Variants in SPAG16 observed in about 807,000 individuals in gnomAD.
SPAG16 encodes the protein sperm associated antigen 16, also known as sperm-associated antigen 16 protein.
In SPAG16, 86 loss-of-function variants were observed where a neutral mutation model predicts 80.4. The observed-to-expected ratio is 1.07, with a 90% CI of 0.90 to 1.28. SPAG16 has a LOEUF of 1.28. Among genes scored for constraint, SPAG16 ranks in the 50% most tolerant of loss-of-function variants. SPAG16 has a pLI of 0.00. For missense variants in SPAG16, 870 were observed against 765.3 expected, an observed-to-expected ratio of 1.14 and a Z score of -1.61; for synonymous variants, 294 against 265.9, an observed-to-expected ratio of 1.11 and a Z score of -1.03.
intron 10 of SPAG16, among the ~76,000 whole-genome samples, chr2:213,702,304 C>G (rs549094729): frequency 2.0e-5 from 3 of 152,218 alleles, no homozygotes; most frequent in Non-Finnish European, 4.4e-5. Flanking sequence ...CCCGAGCCAG[C>G]TGCGGCAACC....
At chr2:213,659,443 T>TA (rs1334230022) in intron 10 of SPAG16, among the ~76,000 whole-genome samples, 3 of 152,092 alleles carry the variant, frequency 2.0e-5, no homozygotes, top group Admixed American at 6.6e-5. Flanking sequence ...GATTTTGTTT[T>TA]AAAAAATTGC....
chr2:213,322,152 G>C (rs1353032213), intron 5 of SPAG16, among the ~76,000 whole-genome samples: 1 of 151,044 alleles, frequency 6.6e-6, no homozygotes, highest in Non-Finnish European at 1.5e-5. Flanking sequence ...ATCTTTCACA[G>C]TTTAGACACT....
At chr2:213,762,789 C>T (rs2068731806) in intron 10 of SPAG16, among the ~76,000 whole-genome samples, 1 of 152,236 alleles carries the variant, frequency 6.6e-6, no homozygotes, top group South Asian at 2.1e-4. Flanking sequence ...AGTCGAACTA[C>T]ACCAAACTAA....
At chr2:213,598,748 A>C (rs1417404707) in intron 10 of SPAG16, among the ~76,000 whole-genome samples, 1 of 152,170 alleles carries the variant, frequency 6.6e-6, no homozygotes, top group Non-Finnish European at 1.5e-5. Context: ...TGAGACAGGA[A>C]TAATACATGG....
At chr2:213,318,166 G>T (rs1410194729) in intron 5 of SPAG16, among the ~76,000 whole-genome samples, 1 of 151,896 alleles carries the variant, frequency 6.6e-6, no homozygotes, top group East Asian at 1.9e-4. Flanking sequence ...CCACTACTGG[G>T]TATCTACTCA....
intron 10 of SPAG16, among the ~76,000 whole-genome samples, chr2:213,676,879 A>G (rs1164043942): frequency 4.6e-5 from 7 of 151,224 alleles, no homozygotes; most frequent in African/African-American, 1.7e-4. Flanking sequence ...CTTTGGTATC[A>G]GGATGATGCT....
chr2:213,912,186 G>A (rs539674793), intron 11 of SPAG16, among the ~76,000 whole-genome samples: 41 of 152,074 alleles, frequency 2.7e-4, no homozygotes, highest in African/African-American at 7.7e-4. Flanking sequence ...TACTTTGGGC[G>A]TCAGTTAATG....
chr2:213,593,746 CTTTTTTTTTTTTTTTTTTTTTTTTT>C (rs541949006), intron 10 of SPAG16, among the ~76,000 whole-genome samples: 33 of 50,192 alleles, frequency 6.6e-4, no homozygotes, highest in Middle Eastern at 0.013. Flanking sequence ...CCCACCACAT[CTTTTTTTTTTTTTTTTTTTTTTTTT>C]TTTTTTTTTT....
chr2:214,334,458 A>G (rs571741821), intron 15 of SPAG16, among the ~76,000 whole-genome samples: 2 of 152,298 alleles, frequency 1.3e-5, no homozygotes, highest in African/African-American at 4.8e-5. Context: ...CTTCCCATTC[A>G]AGGTTCTGAA....
intron 15 of SPAG16, among the ~76,000 whole-genome samples, chr2:214,242,419 C>T (rs1024247565): frequency 2.6e-5 from 4 of 152,218 alleles, no homozygotes; most frequent in Middle Eastern, 3.4e-3. Context: ...CTGATTCACC[C>T]GTGTCAAAGA....
intron 11 of SPAG16, among the ~76,000 whole-genome samples, chr2:213,910,633 C>CAT (rs2077623163): frequency 1.3e-5 from 1 of 79,868 alleles, no homozygotes. Flanking sequence ...GGACTACAGG[C>CAT]GCCCGCTACC....
intron 15 of SPAG16, among the ~76,000 whole-genome samples, chr2:214,187,670 AATAATGTCTGCC>A (rs143110204): frequency 1.2e-4 from 17 of 144,564 alleles, no homozygotes; most frequent in Non-Finnish European, 2.1e-4. Flanking sequence ...TCATGTAAAC[AATAATGTCTGCC>A]ATAACAAACC....
chr2:214,018,529 A>G (rs1043623680), intron 13 of SPAG16, among the ~76,000 whole-genome samples: 1 of 152,264 alleles, frequency 6.6e-6, no homozygotes, highest in South Asian at 2.1e-4. Context: ...ATTGATATGG[A>G]TGACATTATT....
intron 10 of SPAG16, among the ~76,000 whole-genome samples, chr2:213,625,087 C>A (rs1054765213): frequency 6.6e-6 from 1 of 152,158 alleles, no homozygotes; most frequent in African/African-American, 2.4e-5. Flanking sequence ...GCCACCACAC[C>A]CGGCCTCAGT....
rs114425798 is a variant in SPAG16 at position 213,799,943 on chromosome 2, C to T, written c.1071-62542C>T. Among the ~76,000 whole-genome samples the T allele has an allele frequency of 9.1e-3, 1,318 of 145,366 alleles. 15 individuals carry two copies. Among genetic ancestry groups the T allele is most frequent in the African/African-American group, 0.032 (1,266 of 39,706 alleles). On this transcript the variant is annotated intron_variant, in intron 10 of 15. Coordinates refer to ENST00000331683, the MANE Select transcript of SPAG16 (RefSeq NM_024532.5). ...GTGCAGTGTCTACCCAAATGCCCAT[C>T]AGTGATAGACTGGATTGAAAAAAAA...
chr2:213,527,963 GA>G (rs756513631), intron 10 of SPAG16, among the ~76,000 whole-genome samples: 31 of 152,070 alleles, frequency 2.0e-4, no homozygotes, highest in African/African-American at 5.5e-4. Flanking sequence ...TGAGAGGCTT[GA>G]AAAAAATCAA....
chr2:213,459,084 T>C (rs929572717), intron 9 of SPAG16, among the ~76,000 whole-genome samples: 1 of 152,174 alleles, frequency 6.6e-6, no homozygotes, highest in Non-Finnish European at 1.5e-5. Flanking sequence ...TTTTACTTTG[T>C]ACCTTATATT....
chr2:214,217,452 G>A (rs906924923), intron 15 of SPAG16, among the ~76,000 whole-genome samples: 4 of 152,172 alleles, frequency 2.6e-5, no homozygotes, highest in Non-Finnish European at 4.4e-5. Context: ...ATGTTATGCC[G>A]ATGCTTTAAA....
chr2:213,874,801 A>G (rs902645176), intron 11 of SPAG16, among the ~76,000 whole-genome samples: 53 of 152,246 alleles, frequency 3.5e-4, no homozygotes, highest in African/African-American at 1.2e-3. Context: ...TGTGGGGACT[A>G]TGAAGCTACA....
Sources: allele counts gnomAD v4.1 joint callset (sites outside exome capture counted in the v4.1 genomes callset), GRCh38; gene constraint gnomAD v4.1.1; transcripts MANE v1.5; gene names NCBI Gene and HGNC (gene_info 2026-07-23, HGNC 2026-07-21).